The following ZNF140 variants were observed in gnomAD, a reference collection of about 807,000 sequenced individuals.
ZNF140 encodes zinc finger protein 140 (clone pHZ-39).
A neutral mutation model predicts 12.9 loss-of-function variants in ZNF140; 13 were observed. The observed-to-expected ratio is 1.01, with a 90% CI of 0.66 to 1.60. ZNF140 has a LOEUF of 1.60. Among genes scored for constraint, ZNF140 ranks in the 40% most tolerant of loss-of-function variants. The pLI is 0.00. For missense variants in ZNF140, 531 were observed against 548.8 expected, an observed-to-expected ratio of 0.97 and a Z score of 0.32; for synonymous variants, 214 against 186.7, an observed-to-expected ratio of 1.15 and a Z score of -1.19.
Position 133,094,239 on chromosome 12 carries a change from G to T in ZNF140, c.232+10678G>T, listed in dbSNP as rs1033907618. Among the ~76,000 whole-genome samples, 34 of 149,904 alleles carry T rather than the reference G, an allele frequency of 2.3e-4. 2 individuals carry two copies. The highest frequency in any genetic ancestry group is 7.5e-4 in the African/African-American group (30 of 40,246). On this transcript the variant is annotated intron_variant, in intron 4 of 4. Coordinates refer to ENST00000355557, the MANE Select transcript of ZNF140 (RefSeq NM_003440.4). ...TGGTTGAAGAACTTGAGCTACAAAAGTCTGACAAATAGTTGGACTATTAAG... is the reference window on the plus strand; with the variant it reads ...TGGTTGAAGAACTTGAGCTACAAAATTCTGACAAATAGTTGGACTATTAAG...
At chr12:133,097,838 TGTG>T in intron 4 of ZNF140, among the ~76,000 whole-genome samples, 1 of 151,502 alleles carries the variant, frequency 6.6e-6, no homozygotes, top group African/African-American at 2.4e-5. Context: ...TGTGTGTGTG[TGTG>T]TGTGTGTGTT....
chr12:133,105,134 A>C (rs987099739), intron 4 of ZNF140, among the ~76,000 whole-genome samples: 1 of 152,214 alleles, frequency 6.6e-6, no homozygotes, highest in Non-Finnish European at 1.5e-5. Flanking sequence ...GTCTTTGTGC[A>C]ATCTGACGAA....
intron 4 of ZNF140, among the ~76,000 whole-genome samples, chr12:133,087,048 T>G (rs1954699255): frequency 6.6e-6 from 1 of 152,238 alleles, no homozygotes; most frequent in Non-Finnish European, 1.5e-5. Context: ...GTCTTACCCC[T>G]GCCCCTTTTT....
intron 4 of ZNF140, among the ~76,000 whole-genome samples, chr12:133,089,837 T>A (rs1954796975): frequency 6.6e-6 from 1 of 151,870 alleles, no homozygotes; most frequent in African/African-American, 2.4e-5. Flanking sequence ...TATTGTAAAT[T>A]TCATCAATAT....
intron 2 of ZNF140, 177 bp from the exon 3 acceptor site, chr12:133,082,926 T>C: frequency 1.2e-6 from 1 of 821,362 alleles, no homozygotes; most frequent in Non-Finnish European, 1.8e-6. Flanking sequence ...TCTCCAGTTA[T>C]ACAACAAAAC....
intron 4 of ZNF140, among the ~76,000 whole-genome samples, chr12:133,084,907 T>C (rs1354877320): frequency 6.6e-6 from 1 of 152,182 alleles, no homozygotes; most frequent in Non-Finnish European, 1.5e-5. Context: ...AAACTTTGTT[T>C]AGTGGGAGCA....
chr12:133,097,819 ATGTGTGTGTGTG>A (rs71079166), intron 4 of ZNF140, among the ~76,000 whole-genome samples: 95 of 143,260 alleles, frequency 6.6e-4, no homozygotes, highest in African/African-American at 2.2e-3. Context: ...ACATCTAACC[ATGTGTGTGTGTG>A]TGTGTGTGTG....
intron 4 of ZNF140, among the ~76,000 whole-genome samples, chr12:133,096,798 A>G (rs1040034530): frequency 5.9e-5 from 9 of 152,350 alleles, no homozygotes; most frequent in South Asian, 2.1e-4. Context: ...AATTGCGTCT[A>G]TCTTCGTGAA....
chr12:133,105,957 G>C lies in ZNF140; in HGVS notation c.680G>C (p.Ser227Thr), dbSNP rs1403105747. 4 of 1,613,988 alleles carry C rather than the reference G, an allele frequency of 2.5e-6. No homozygotes were observed. Residue 227 changes from serine (S) to threonine (T), a missense_variant, in exon 5 of 5, where the codon AGT (serine) becomes ACT (threonine). Ser to Thr is a moderately conservative substitution (Grantham distance 58). Transcript: ENST00000355557. ...TGTAAGGACTGTAATAAAACATTCA[G>C]TTACCTTTCATTTCTTATTGAACAC... ...HECKDCNKTF[S>T]YLSFLIEHQR... is the part of the protein sequence containing the mutation.
chr12:133,096,734 A>G (rs925754131), intron 4 of ZNF140, among the ~76,000 whole-genome samples: 7 of 152,204 alleles, frequency 4.6e-5, no homozygotes, highest in Non-Finnish European at 8.8e-5. Flanking sequence ...CTGACAGCAC[A>G]TATTATATGA....
intron 4 of ZNF140, among the ~76,000 whole-genome samples, chr12:133,087,789 A>G (rs901930500): frequency 2.0e-5 from 3 of 152,154 alleles, no homozygotes; most frequent in African/African-American, 7.2e-5. Flanking sequence ...TTGCTTCTCT[A>G]TAGGAATGCT....
At position 133,091,566 on chromosome 12, in the gene ZNF140, C is replaced by A. The variant is rs923382633; in HGVS notation, c.232+8005C>A. Among the ~76,000 whole-genome samples, 91 of 150,582 alleles carry A rather than the reference C, an allele frequency of 6.0e-4. 1 individual carries two copies. Among genetic ancestry groups the A allele is most frequent in the African/African-American group, 2.2e-3 (90 of 40,574 alleles). ...CTACATTTCCCCCTTTTCTTTTTGACAAAACCGCCATCGTCATCATGACCC... is the reference window on the plus strand; with the variant it reads ...CTACATTTCCCCCTTTTCTTTTTGAAAAAACCGCCATCGTCATCATGACCC... On this transcript the variant is annotated intron_variant, in intron 4 of 4. Transcript: ENST00000355557.
chr12:133,083,074 G>T (rs1036110103), intron 2 of ZNF140, 29 bp from the exon 3 acceptor site: 5 of 1,613,940 alleles, frequency 3.1e-6, no homozygotes, highest in Admixed American at 1.7e-5. Context: ...ATGCGTGCTG[G>T]TCATGCAAAT....
Position 133,081,318 on chromosome 12 carries a change from G to C in ZNF140, c.-3G>C. On this transcript the variant is annotated 5_prime_UTR_variant, in exon 2 of 5. Transcript: ENST00000355557. ...CTGATCTCCTCCTTCCCTTCTGTGA[G>C]CTATGTCTCAGGTAAGCTAATGATT... 6.7e-7 allele frequency: 1 copy of C among 1,484,282 alleles called. No individual in the cohort carries two copies. The highest frequency in any genetic ancestry group is 9.1e-7 in the Non-Finnish European group (1 of 1,093,036). 91.9% of individuals were successfully genotyped at this position (1,484,282 alleles called of 1,614,324 possible).
intron 4 of ZNF140, 149 bp from the exon 5 acceptor site, chr12:133,105,361 C>T (rs974170486): frequency 5.5e-6 from 4 of 723,086 alleles, no homozygotes; most frequent in African/African-American, 3.6e-5. Context: ...AAGTTCTGGG[C>T]ATACTACTCA....
At chr12:133,091,863 T>C (rs2137522982) in intron 4 of ZNF140, among the ~76,000 whole-genome samples, 1 of 151,232 alleles carries the variant, frequency 6.6e-6, no homozygotes, top group African/African-American at 2.4e-5. Context: ...CTCTTCCTTG[T>C]AGACGGCGTT....
intron 4 of ZNF140, among the ~76,000 whole-genome samples, chr12:133,096,907 C>T (rs960813551): frequency 6.6e-6 from 1 of 152,182 alleles, no homozygotes; most frequent in African/African-American, 2.4e-5. Context: ...GTGTTCTTAA[C>T]GATTTTCTGC....
At chr12:133,084,399 T>C (rs2137486071) in intron 4 of ZNF140, among the ~76,000 whole-genome samples, 1 of 152,356 alleles carries the variant, frequency 6.6e-6, no homozygotes, top group Non-Finnish European at 1.5e-5. Context: ...AGACTTTCTA[T>C]TAAGTGCTAC....
chr12:133,091,699 C>G (rs1218138994), intron 4 of ZNF140, among the ~76,000 whole-genome samples: 2 of 150,920 alleles, frequency 1.3e-5, no homozygotes, highest in Admixed American at 6.6e-5. Context: ...AGTGGAATTT[C>G]CAGTGGTTTT....
Sources: gnomAD v4.1 joint callset for allele counts (sites outside exome capture counted in the v4.1 genomes callset) on GRCh38, gnomAD v4.1.1 for gene constraint, MANE v1.5 for transcripts, NCBI Gene and HGNC (gene_info 2026-07-23, HGNC 2026-07-21) for gene names.